MRPL16: variants seen among roughly 807,000 people sequenced by gnomAD.
MRPL16 encodes the protein mitochondrial ribosomal protein L16, also known as large ribosomal subunit protein uL16m.
MRPL16 carries 17 observed loss-of-function variants against 22.7 expected under a neutral mutation model. That is an observed-to-expected ratio of 0.75 (90% CI 0.51 to 1.12). The LOEUF (loss-of-function observed/expected upper bound fraction) is 1.12, where lower values mean the gene tolerates loss of function less well. Ranked by LOEUF, MRPL16 falls within the 50% of genes most tolerant of loss-of-function variation. The pLI, the probability that MRPL16 is intolerant of heterozygous loss-of-function variation, is 0.00. For missense variants in MRPL16, 316 were observed against 328.7 expected, an observed-to-expected ratio of 0.96 and a Z score of 0.30; for synonymous variants, 103 against 112.8, an observed-to-expected ratio of 0.91 and a Z score of 0.55.
Position 59,810,627 on chromosome 11 carries a change from G to A in MRPL16, c.32C>T (p.Pro11Leu), listed in dbSNP as rs764438212. The change falls in exon 1 of 4, where the codon CCG becomes CTG. Residue 11 changes from proline (P) to leucine (L), a missense_variant. Physicochemically the swap from Pro to Leu is moderately conservative, Grantham distance 98. Coordinates refer to ENST00000300151, the MANE Select transcript of MRPL16 (RefSeq NM_017840.4). MWRLLARASA[P>L]LLRVPLSDSW... ...ACCTGACAAGGGCACCCGCAGGAGCGGCGCACTAGCGCGAGCCAGCAGCCT... is the reference window on the plus strand; with the variant it reads ...ACCTGACAAGGGCACCCGCAGGAGCAGCGCACTAGCGCGAGCCAGCAGCCT... 1 of 1,614,156 alleles carries A rather than the reference G, an allele frequency of 6.2e-7. No individual in the cohort carries two copies. Among genetic ancestry groups the A allele is most frequent in the Non-Finnish European group, 8.5e-7 (1 of 1,179,990 alleles).
In MRPL16 at chr11:59,809,997, T is replaced by A. The variant is rs370458942; in HGVS notation, c.56-77A>T. 3.9e-4 allele frequency: 453 copies of A among 1,168,652 alleles called. 1 individual carries two copies. Among genetic ancestry groups the A allele is most frequent in the Non-Finnish European group, 3.8e-4 (315 of 822,250 alleles). The allele number at this position is 1,168,652 out of a possible 1,614,324, so 72.4% of individuals were successfully genotyped here. ...TACAACCTGGGCCAAAGGTACTACT[T>A]CTTATTTTTATTTATTTTATTTTTT... On this transcript the variant is annotated intron_variant, in intron 1 of 3. Transcript: ENST00000300151.
rs140073013 is a variant in MRPL16 at position 59,806,638 on chromosome 11, C to G, written c.465G>C (p.Lys155Asn). The G allele has an allele frequency of 5.6e-6, 9 of 1,614,268 alleles. No individual in the cohort carries two copies. The African/African-American group carries it at 1.1e-4, about 19-fold the overall frequency. The change falls in exon 4 of 4, where the codon AAG (lysine) becomes AAC (asparagine). Residue 155 changes from lysine to asparagine, a missense_variant. Lys to Asn is a moderately conservative substitution (Grantham distance 94). Coordinates refer to ENST00000300151, the MANE Select transcript of MRPL16 (RefSeq NM_017840.4). The stretch of plus-strand genomic sequence containing the variant: ...CCATCTCTACAACAAGGCGGCCAGC[C>G]TTCACAGGTGTCACGTAGTGGTCAA... ...GAIDHYVTPV[K>N]AGRLVVEMGG...
At chr11:59,806,978 C>T in intron 3 of MRPL16, 146 bp from the exon 4 acceptor site, 1 of 1,227,452 alleles carries the variant, frequency 8.1e-7, no homozygotes, top group Non-Finnish European at 1.1e-6. Flanking sequence ...GGAGGAAAAG[C>T]CTAGGGTACA....
intron 3 of MRPL16, chr11:59,807,137 G>C: frequency 3.1e-6 from 1 of 324,114 alleles, no homozygotes; most frequent in Non-Finnish European, 5.7e-6. Context: ...TTATGTGGAG[G>C]CCCTGGCACA....
chr11:59,806,386 C>T lies in MRPL16; in HGVS notation c.717G>A (p.Gly239=). The T allele has an allele frequency of 6.2e-7, 1 of 1,614,192 alleles. No individual in the cohort carries two copies. The highest frequency in any genetic ancestry group is 8.5e-7 in the Non-Finnish European group (1 of 1,180,030). ...VLSPYDLTHK[G]KYWGKFYMPK... is the part of the protein sequence containing the mutation. ...GCATGTAGAACTTGCCCCAGTATTT[C>T]CCCTTGTGGGTCAAGTCATATGGGC... The change falls in exon 4 of 4, where the codon GGG becomes GGA. Residue 239 remains glycine (G), a synonymous_variant. Coordinates refer to ENST00000300151, the MANE Select transcript of MRPL16 (RefSeq NM_017840.4).
rs780699852 is a variant in MRPL16 at position 59,809,899 on chromosome 11, G to GC, written c.76dup (p.Ala26GlyfsTer15). 2.0e-4 allele frequency: 326 copies of GC among 1,613,316 alleles called. No homozygotes were observed. Among genetic ancestry groups the GC allele is most frequent in the Non-Finnish European group, 2.6e-4 (311 of 1,179,876 alleles). On this transcript the variant is annotated frameshift_variant, in exon 2 of 4. Coordinates refer to ENST00000300151, the MANE Select transcript of MRPL16 (RefSeq NM_017840.4). LOFTEE classifies it high-confidence loss of function. ...GAGCAGTGTCTTTACGCCAGCACTG[G>GC]CGGGGAGGAGTGCCCAGGAATCTAC... is the stretch of plus-strand genomic sequence containing the variant.
Position 59,806,577 on chromosome 11 carries a change from G to A in MRPL16, c.526C>T (p.Leu176Phe). The change falls in exon 4 of 4, where the codon CTT becomes TTT. Residue 176 changes from leucine (L) to phenylalanine (F), a missense_variant. Coordinates refer to ENST00000300151, the MANE Select transcript of MRPL16 (RefSeq NM_017840.4). ...GGCAACTTGTGGGCAACCTGGTCAA[G>A]GAAACCTTGCACTTCTTCAAATTCA... ...RCEFEEVQGF[L>F]DQVAHKLPFA... The A allele has an allele frequency of 1.2e-6, 2 of 1,614,240 alleles. No homozygotes were observed. Among genetic ancestry groups the A allele is most frequent in the Non-Finnish European group, 1.7e-6 (2 of 1,180,044 alleles).
chr11:59,809,945 G>A (rs750750548), intron 1 of MRPL16, 25 bp from the exon 2 acceptor site: 8 of 1,599,948 alleles, frequency 5.0e-6, no homozygotes, highest in African/African-American at 1.3e-5. Flanking sequence ...CAAGTTAAAC[G>A]ACGAAGGTAA....
chr11:59,810,247 G>A, intron 1 of MRPL16: 1 of 1,161,966 alleles, frequency 8.6e-7, no homozygotes, highest in South Asian at 2.2e-5. Flanking sequence ...GACCTCAAGT[G>A]ATTCGCCCGC....
chr11:59,809,534 C>A, intron 2 of MRPL16: 1 of 304,036 alleles, frequency 3.3e-6, no homozygotes, highest in Non-Finnish European at 6.1e-6. Context: ...CGTGAGCCAC[C>A]ATGCCCGCTC....
chr11:59,806,273 G>A lies in MRPL16; in HGVS notation c.*74C>T. 3 of 1,514,950 alleles carry A rather than the reference G, an allele frequency of 2.0e-6. No individual in the cohort carries two copies. The highest frequency in any genetic ancestry group is 2.7e-6 in the Non-Finnish European group (3 of 1,117,104). The allele number at this position is 1,514,950 out of a possible 1,614,324, so 93.8% of individuals were successfully genotyped here. A position where few individuals can be genotyped will look rare whatever the true frequency, so the allele number is the denominator to read the frequency against. ...GCTTAAGAGCTACCCAAAGACTTCA[G>A]TGGGTAGGCTGAGGGGAATAGAAAT... On this transcript the variant is annotated 3_prime_UTR_variant, in exon 4 of 4. Coordinates refer to ENST00000300151, the MANE Select transcript of MRPL16 (RefSeq NM_017840.4).
intron 3 of MRPL16, 149 bp from the exon 4 acceptor site, chr11:59,806,981 A>AG: frequency 3.3e-6 from 4 of 1,198,748 alleles, no homozygotes; most frequent in Non-Finnish European, 4.5e-6. Context: ...GGAAAAGCCT[A>AG]GGGTACACAG....
Position 59,807,863 on chromosome 11 carries a change from A to G in MRPL16, c.122-14T>C, listed in dbSNP as rs1866130217. ...GAATGGAAACATCTAAAAGAAGCAC[A>G]GACAACCAGGATAAAGTAAAACTAT... On this transcript the variant is annotated splice_polypyrimidine_tract_variant and intron_variant, in intron 2 of 3. Coordinates refer to ENST00000300151, the MANE Select transcript of MRPL16 (RefSeq NM_017840.4). The G allele has an allele frequency of 6.3e-7, 1 of 1,597,790 alleles. No individual in the cohort carries two copies. Among genetic ancestry groups the G allele is most frequent in the Non-Finnish European group, 8.5e-7 (1 of 1,173,100 alleles).
At chr11:59,808,374 C>G (rs577062378) in intron 2 of MRPL16, among the ~76,000 whole-genome samples, 2 of 152,240 alleles carry the variant, frequency 1.3e-5, no homozygotes, top group South Asian at 4.1e-4. Flanking sequence ...AAATTTTAAA[C>G]TTGTCAAAGT....
intron 1 of MRPL16, chr11:59,810,239 C>T: frequency 8.9e-7 from 1 of 1,126,892 alleles, no homozygotes; most frequent in South Asian, 2.2e-5. Flanking sequence ...AAACTACTGA[C>T]CTCAAGTGAT....
chr11:59,810,635 A>AG lies in MRPL16; in HGVS notation c.23dup (p.Ser9Ter). The AG allele has an allele frequency of 1.2e-6, 2 of 1,614,150 alleles. No homozygotes were observed. Among genetic ancestry groups the AG allele is most frequent in the Non-Finnish European group, 1.7e-6 (2 of 1,179,976 alleles). ...AGGGCACCCGCAGGAGCGGCGCACTAGCGCGAGCCAGCAGCCTCCACATGG... is the reference window on the plus strand; with the variant it reads ...AGGGCACCCGCAGGAGCGGCGCACTAGGCGCGAGCCAGCAGCCTCCACATGG... On this transcript the variant is annotated frameshift_variant, in exon 1 of 4. Coordinates refer to ENST00000300151, the MANE Select transcript of MRPL16 (RefSeq NM_017840.4). LOFTEE classifies it high-confidence loss of function.
In MRPL16 at chr11:59,806,521, A is replaced by C; in HGVS notation, c.582T>G (p.Thr194=). The change falls in exon 4 of 4, where the codon ACT becomes ACG. Residue 194 remains threonine, a synonymous_variant. Coordinates refer to ENST00000300151, the MANE Select transcript of MRPL16 (RefSeq NM_017840.4). ...PFAAKAVSRG[T]LEKMRKDQEE... ...CTTGATCTTTTCGCATCTTCTCTAG[A>C]GTCCCGCGGCTCACAGCCTTTGCTG... The C allele has an allele frequency of 6.2e-7, 1 of 1,614,190 alleles. No individual in the cohort carries two copies. Among genetic ancestry groups the C allele is most frequent in the Non-Finnish European group, 8.5e-7 (1 of 1,180,046 alleles).
rs1414064269 is a variant in MRPL16 at position 59,806,736 on chromosome 11, G to A, written c.367C>T (p.Arg123Ter). Residue 123 changes from arginine to a stop codon, truncating the protein, a stop_gained, in exon 4 of 4, where the codon CGA becomes TGA. Transcript: ENST00000300151. LOFTEE classifies it high-confidence loss of function. ...ATGGGCTTGAAAGGGGCTGGTACTCGCCATATGGCAAACATGTTCTTGGGG... is the reference window on the plus strand; with the variant it reads ...ATGGGCTTGAAAGGGGCTGGTACTCACCATATGGCAAACATGTTCTTGGGG... ...MDPKNMFAIW[R>*]VPAPFKPITR... The A allele has an allele frequency of 2.5e-6, 4 of 1,614,160 alleles. No individual in the cohort carries two copies. The highest frequency in any genetic ancestry group is 2.2e-5 in the East Asian group (1 of 44,882).
chr11:59,809,207 C>T (rs927075410), intron 2 of MRPL16, among the ~76,000 whole-genome samples: 4 of 151,970 alleles, frequency 2.6e-5, no homozygotes, highest in African/African-American at 7.3e-5. Flanking sequence ...ACTAGTTTTA[C>T]GATATTGTGG....
Sources: allele counts gnomAD v4.1 joint callset (sites outside exome capture counted in the v4.1 genomes callset), GRCh38; gene constraint gnomAD v4.1.1; transcripts MANE v1.5; gene names NCBI Gene and HGNC (gene_info 2026-07-23, HGNC 2026-07-21).